C1S: variants seen among roughly 807,000 people sequenced by gnomAD.
The protein encoded by C1S is complement C1s subcomponent.
Under a neutral mutation model 54.0 loss-of-function variants are expected in C1S, and 31 were observed. The ratio of observed to expected loss-of-function variants is 0.57; its 90% CI spans 0.43 to 0.78. The LOEUF (loss-of-function observed/expected upper bound fraction) is 0.78, where lower values mean the gene tolerates loss of function less well. Ranked by LOEUF, C1S falls within the 30% of genes least tolerant of loss-of-function variation. The probability of loss-of-function intolerance (pLI) is 0.00; values close to 1 mark genes in which losing one functional copy is unlikely to be tolerated. For synonymous variants in C1S, 292 were observed against 303.6 expected (o/e 0.96, Z 0.40); for missense variants, 727 against 851.8 (o/e 0.85, Z 1.82).
rs1937789137 is a variant in C1S at position 7,069,736 on chromosome 12, C to T, written c.1271-119C>T. ...GAGATTGTTGACCAAATAGGGTTGACTATTTTGTACTAGAGAATCCTGCAA... is the reference window on the plus strand; with the variant it reads ...GAGATTGTTGACCAAATAGGGTTGATTATTTTGTACTAGAGAATCCTGCAA... On this transcript the variant is annotated intron_variant, in intron 11 of 11. Transcript: ENST00000360817. 1.1e-5 allele frequency: 10 copies of T among 903,568 alleles called. 1 individual carries two copies. The South Asian group carries it at 1.3e-4, about 12-fold the overall frequency. The allele number at this position is 903,568 out of a possible 1,614,324, so 56.0% of individuals were successfully genotyped here. A position where few individuals can be genotyped will look rare whatever the true frequency, so the allele number is the denominator to read the frequency against.
rs1937837980 is a variant in C1S, at chr12:7,070,825, C to T, written c.*174C>T. ...GGTAGAGTTTGATCATAGAATTGTG[C>T]TGGTCATACATTTGTGGTCTGACTC... On this transcript the variant is annotated 3_prime_UTR_variant, in exon 12 of 12. Transcript: ENST00000360817. This position sits in a 1 kb window ranked among gnomAD's most constrained non-coding sequence, Gnocchi z 4.9. 1 of 673,080 alleles carries T rather than the reference C, an allele frequency of 1.5e-6. No homozygotes were observed. The allele number at this position is 673,080 out of a possible 1,614,324, so 41.7% of individuals were successfully genotyped here.
intron 2 of C1S, 90 bp from the exon 3 acceptor site, chr12:7,062,385 C>T (rs1947104527): frequency 2.1e-6 from 2 of 933,226 alleles, no homozygotes; most frequent in Non-Finnish European, 3.5e-6. Context: ...CTCTCTTCTT[C>T]CCCCTTTCTT....
chr12:7,063,042 G>T lies in C1S; in HGVS notation c.366G>T (p.Gly122=). ...TTTCCAATGAAGAGCGTTTTACGGG[G>T]TTTGCTGCATACTATGTTGCCACAG... is the stretch of plus-strand genomic sequence containing the variant. ...SDFSNEERFT[G]FAAYYVATDI... The change falls in exon 4 of 12, where the codon GGG becomes GGT. Residue 122 remains glycine (G), a synonymous_variant. Transcript: ENST00000360817. 1 of 1,613,838 alleles carries T rather than the reference G, an allele frequency of 6.2e-7. No homozygotes were observed. Among genetic ancestry groups the T allele is most frequent in the Non-Finnish European group, 8.5e-7 (1 of 1,180,028 alleles).
Position 7,068,498 on chromosome 12 carries a change from T to C in C1S, c.1238T>C (p.Val413Ala). The part of the protein sequence containing the change: ...CAGNGSWVNE[V>A]LGPELPKCVP... ...GGTAACGGGAGCTGGGTGAATGAGG[T>C]GCTGGGCCCGGAGCTGCCGAAATGT... Residue 413 changes from valine to alanine, a missense_variant, in exon 11 of 12, where the codon GTG becomes GCG. Physicochemically the swap from Val to Ala is moderately conservative, Grantham distance 64 (BLOSUM62 0). Transcript: ENST00000360817. The C allele has an allele frequency of 6.2e-7, 1 of 1,613,836 alleles. No individual in the cohort carries two copies. Among genetic ancestry groups the C allele is most frequent in the Non-Finnish European group, 8.5e-7 (1 of 1,179,858 alleles).
intron 2 of C1S, chr12:7,062,184 T>C (rs1947099794): frequency 1.8e-6 from 1 of 564,444 alleles, no homozygotes; most frequent in South Asian, 2.0e-5. Context: ...GGTGGTAGAA[T>C]CACTTGAGCG....
In C1S at chr12:7,065,951, A is replaced by G. The variant is rs368388861; in HGVS notation, c.852A>G (p.Lys284=). ...TDLTGQKKGW[K]LRYHGDPMPC... is the part of the protein sequence containing the mutation. The stretch of plus-strand genomic sequence containing the variant: ...TAACAGGGCAAAAAAAGGGCTGGAA[A>G]CTTCGCTATCATGGAGATCGTGAGT... The change falls in exon 7 of 12, where the codon AAA becomes AAG. Residue 284 remains lysine (K), a synonymous_variant. Transcript: ENST00000360817. 61 of 1,613,940 alleles carry G rather than the reference A, an allele frequency of 3.8e-5. No individual in the cohort carries two copies. The highest frequency in any genetic ancestry group is 4.7e-5 in the Non-Finnish European group (56 of 1,179,924).
chr12:7,063,524 G>C, intron 4 of C1S: 1 of 344,144 alleles, frequency 2.9e-6, no homozygotes, highest in Non-Finnish European at 5.9e-6. Context: ...GGGTACTTCT[G>C]TATCTCTCTC....
chr12:7,068,614 G>A, intron 11 of C1S, 84 bp downstream of exon 11: 1 of 948,940 alleles, frequency 1.1e-6, no homozygotes, highest in Admixed American at 1.8e-5. Flanking sequence ...ATCCTCTTGG[G>A]AAAGGACTGA....
intron 10 of C1S, among the ~76,000 whole-genome samples, chr12:7,068,242 G>A (rs1429400801): frequency 6.6e-6 from 1 of 152,190 alleles, no homozygotes; most frequent in Non-Finnish European, 1.5e-5. Flanking sequence ...TTCTGCTTTG[G>A]AGATGTTCCC....
At position 7,066,522 on chromosome 12, in the gene C1S, G is replaced by A. The variant is rs782532195; in HGVS notation, c.876G>A (p.Met292Ile). The A allele has an allele frequency of 6.3e-7, 1 of 1,597,938 alleles. No homozygotes were observed. The highest frequency in any genetic ancestry group is 2.2e-5 in the East Asian group (1 of 44,808). Residue 292 changes from methionine (M) to isoleucine (I), a missense_variant, in exon 8 of 12, where the codon ATG becomes ATA. By Grantham distance (10) the Met-to-Ile change is conservative (BLOSUM62 1). Transcript: ENST00000360817. ...CCCAACTTCTGTTCTTTCAAGCAATGCCCTGCCCTAAGGAAGACACTCCCA... is the reference window on the plus strand; with the variant it reads ...CCCAACTTCTGTTCTTTCAAGCAATACCCTGCCCTAAGGAAGACACTCCCA... The part of the protein sequence containing the change: ...GWKLRYHGDP[M>I]PCPKEDTPNS...
At chr12:7,063,782 T>A (rs1947131694) in intron 4 of C1S, 1 of 355,112 alleles carries the variant, frequency 2.8e-6, no homozygotes. Context: ...CCCAGCACTT[T>A]GGGAGGCTGA....
intron 1 of C1S, chr12:7,061,093 A>C (rs898320382): frequency 6.6e-6 from 1 of 152,374 alleles, no homozygotes; most frequent in Non-Finnish European, 1.5e-5. Flanking sequence ...CAATTTTAGC[A>C]ACCCTTTACT....
In C1S at chr12:7,065,211, A is replaced by C. The variant is rs782009231; in HGVS notation, c.629A>C (p.Lys210Thr). The C allele has an allele frequency of 1.9e-6, 3 of 1,613,972 alleles. No homozygotes were observed. The African/African-American group carries it at 4.0e-5, about 22-fold the overall frequency. ...TGTGAATACCAGATCCGGTTGGAGA[A>C]AGGGTTCCAAGTGGTGGTGACCTTG... is the stretch of plus-strand genomic sequence containing the variant. ...SRCEYQIRLE[K>T]GFQVVVTLRR... is the part of the protein sequence containing the mutation. Residue 210 changes from lysine to threonine, a missense_variant, in exon 6 of 12, where the codon AAA becomes ACA. Physicochemically the swap from Lys to Thr is moderately conservative, Grantham distance 78. Around this residue, in one of 3 missense-constraint regions of C1S, gnomAD observed 357 missense variants for 365.4 expected, o/e 0.98. Transcript: ENST00000360817.
intron 2 of C1S, chr12:7,062,183 A>G: frequency 3.5e-6 from 2 of 564,634 alleles, no homozygotes; most frequent in South Asian, 4.1e-5. Context: ...AGGTGGTAGA[A>G]TCACTTGAGC....
chr12:7,061,832 C>A lies in C1S; in HGVS notation c.-74-7C>A. 6.6e-7 allele frequency: 1 copy of A among 1,521,516 alleles called. No homozygotes were observed. Among genetic ancestry groups the A allele is most frequent in the Non-Finnish European group, 9.1e-7 (1 of 1,095,978 alleles). The allele number at this position is 1,521,516 out of a possible 1,614,324, so 94.3% of individuals were successfully genotyped here. On this transcript the variant is annotated splice_region_variant and splice_polypyrimidine_tract_variant and intron_variant, in intron 1 of 11. Transcript: ENST00000360817. ...AGACAAATACAGCCAGGCCTGCCAC[C>A]CCTTAGGCTCCAAAGTCCGGAGGTG...
intron 4 of C1S, 95 bp downstream of exon 4, chr12:7,063,162 C>G (rs1486899851): frequency 8.3e-7 from 1 of 1,210,852 alleles, no homozygotes; most frequent in African/African-American, 1.5e-5. Context: ...GGATTCTGTT[C>G]GTAATTCTTA....
intron 2 of C1S, 83 bp from the exon 3 acceptor site, chr12:7,062,388 CCTTT>C: frequency 1.0e-6 from 1 of 965,484 alleles, no homozygotes; most frequent in Non-Finnish European, 1.7e-6. Context: ...TCTTCTTCCC[CCTTT>C]CTTCTGCCTC....
chr12:7,065,935 A>C lies in C1S; in HGVS notation c.836A>C (p.Gln279Pro). 1 of 1,612,526 alleles carries C rather than the reference A, an allele frequency of 6.2e-7. No individual in the cohort carries two copies. Among genetic ancestry groups the C allele is most frequent in the Non-Finnish European group, 8.5e-7 (1 of 1,178,612 alleles). ...DIIFQTDLTG[Q>P]KKGWKLRYHG... ...ATCTTCCAAACTGATCTAACAGGGC[A>C]AAAAAAGGGCTGGAAACTTCGCTAT... The change falls in exon 7 of 12, where the codon CAA becomes CCA. Residue 279 changes from glutamine (Q) to proline (P), a missense_variant. Coordinates refer to ENST00000360817, the MANE Select transcript of C1S (RefSeq NM_001734.5).
intron 11 of C1S, among the ~76,000 whole-genome samples, chr12:7,069,642 C>G (rs1386304507): frequency 1.3e-5 from 2 of 152,166 alleles, no homozygotes; most frequent in Non-Finnish European, 2.9e-5. Flanking sequence ...TAACTGAGCT[C>G]TCCCATGAGC....
Sources: gnomAD v4.1 joint callset for allele counts (sites outside exome capture counted in the v4.1 genomes callset) on GRCh38, gnomAD v4.1.1 for gene constraint, gnomAD v4.1.1 regional missense constraint, Gnocchi (gnomAD v3.1) non-coding constraint, MANE v1.5 for transcripts, NCBI Gene and HGNC (gene_info 2026-07-23, HGNC 2026-07-21) for gene names.